The following CCZ1B variants were observed in gnomAD, a reference collection of about 807,000 sequenced individuals.
CCZ1B encodes the protein vacuolar fusion protein CCZ1 homolog B.
Under a neutral mutation model 58.8 loss-of-function variants are expected in CCZ1B, and 25 were observed. That is an observed-to-expected ratio of 0.43 (90% CI 0.31 to 0.59). The LOEUF is 0.59. CCZ1B is among the 20% of genes least tolerant of loss of function. The pLI is 0.12. For missense variants in CCZ1B, 180 were observed against 501.5 expected (o/e 0.36, Z 6.12); for synonymous variants, 66 against 173.2 (o/e 0.38, Z 4.86).
intron 10 of CCZ1B, among the ~76,000 whole-genome samples, chr7:6,809,462 C>T (rs1401344743): frequency 2.1e-5 from 3 of 146,094 alleles, no homozygotes; most frequent in East Asian, 1.9e-4. Flanking sequence ...GAAATGCAGC[C>T]GACAGCATAT....
chr7:6,819,139 A>AAAAAG (rs1195346072), intron 7 of CCZ1B, among the ~76,000 whole-genome samples: 3 of 147,578 alleles, frequency 2.0e-5, no homozygotes, highest in African/African-American at 7.7e-5. Context: ...AAAAAAAAAA[A>AAAAAG]AAAAAAAGGT....
chr7:6,823,275 T>C lies in CCZ1B; in HGVS notation c.438+38A>G. 2 of 1,604,102 alleles carry C rather than the reference T, an allele frequency of 1.2e-6. 1 individual carries two copies. Among genetic ancestry groups the C allele is most frequent in the South Asian group, 2.2e-5 (2 of 90,302 alleles). ...CCTGGAGCCTAGAGATAGGGGTAAG[T>C]GGTTGGACTCTGAGTTGAGAAAGAA... On this transcript the variant is annotated intron_variant, in intron 5 of 14. Transcript: ENST00000316731.
In CCZ1B at chr7:6,824,096, T is replaced by A; in HGVS notation, c.383A>T (p.Glu128Val). ...CAAACAATGACACATTACCAACAACTCCTCCTCTTGATATTCAATAACTGG... is the reference window on the plus strand; with the variant it reads ...CAAACAATGACACATTACCAACAACACCTCCTCTTGATATTCAATAACTGG... ...GKPVIEYQEEELLDKVYSSVL... is the reference protein window; with the variant it reads ...GKPVIEYQEEVLLDKVYSSVL... The change falls in exon 4 of 15, where the codon GAG (glutamate) becomes GTG (valine). Residue 128 changes from glutamate (E) to valine (V), a missense_variant. Physicochemically the swap from Glu to Val is moderately radical, Grantham distance 121. Coordinates refer to ENST00000316731, the MANE Select transcript of CCZ1B (RefSeq NM_198097.5). The A allele has an allele frequency of 1.4e-6, 2 of 1,455,004 alleles. No individual in the cohort carries two copies. The highest frequency in any genetic ancestry group is 1.9e-6 in the Non-Finnish European group (2 of 1,079,400). 90.1% of individuals were successfully genotyped at this position (1,455,004 alleles called of 1,614,324 possible).
At chr7:6,814,428 A>T (rs58934614) in intron 8 of CCZ1B, among the ~76,000 whole-genome samples, 2,251 of 139,666 alleles carry the variant, frequency 0.016, 197 homozygotes, top group African/African-American at 0.043. Flanking sequence ...CCCAGGTACT[A>T]GGGAGGCCGA....
At chr7:6,816,302 A>G (rs1782998625) in intron 7 of CCZ1B, among the ~76,000 whole-genome samples, 2 of 149,362 alleles carry the variant, frequency 1.3e-5, no homozygotes, top group South Asian at 4.2e-4. Context: ...CAACATGGCA[A>G]AACACCGTCT....
At chr7:6,815,382 C>T (rs1222293842) in intron 7 of CCZ1B, among the ~76,000 whole-genome samples, 8 of 149,396 alleles carry the variant, frequency 5.4e-5, no homozygotes, top group Non-Finnish European at 1.0e-4. Flanking sequence ...AGGCTGGTTT[C>T]GAACTCCTGG....
intron 7 of CCZ1B, among the ~76,000 whole-genome samples, chr7:6,818,695 C>CAAGAAAGAAAGACAAGA (rs1562431484): frequency 3.4e-5 from 2 of 59,466 alleles, no homozygotes; most frequent in Admixed American, 1.7e-4. Flanking sequence ...GAAAGAAAGA[C>CAAGAAAGAAAGACAAGA]AAGAAAGAAA....
chr7:6,820,615 T>C (rs1365689303), intron 6 of CCZ1B, among the ~76,000 whole-genome samples: 1 of 148,732 alleles, frequency 6.7e-6, no homozygotes, highest in Non-Finnish European at 1.5e-5. Context: ...TGTGCCCAGC[T>C]AGCACTTTCA....
chr7:6,811,738 C>G (rs1397832370), intron 10 of CCZ1B: 3 of 579,454 alleles, frequency 5.2e-6, no homozygotes, highest in African/African-American at 4.0e-5. Flanking sequence ...CAATCTTAAA[C>G]AGTTCCTCTT....
Position 6,823,317 on chromosome 7 carries a change from T to C in CCZ1B, c.434A>G (p.Tyr145Cys), listed in dbSNP as rs1783141561. Residue 145 changes from tyrosine (Y) to cysteine (C), a missense_variant, in exon 5 of 15, where the codon TAC (tyrosine) becomes TGC (cysteine). Transcript: ENST00000316731. ...SSVLRQCYSM[Y>C]KLFNGTFLKA... ...GAGAAAGAACGCCACGCTTACCTTG[T>C]ACATGCTGTAGCACTGCCGCAGCAC... is the stretch of plus-strand genomic sequence containing the variant. 6.2e-7 allele frequency: 1 copy of C among 1,606,904 alleles called. No individual in the cohort carries two copies.
chr7:6,812,026 C>T lies in CCZ1B; in HGVS notation c.880G>A (p.Ala294Thr). ...TGPLNLNDPD[A>T]KCRFPKIFVN... is the part of the protein sequence containing the mutation. ...AAAATTTTGGGGAATCTGCATTTTG[C>T]ATCTGGATCATTGAGGTTCAAGGGT... The change falls in exon 10 of 15, where the codon GCA becomes ACA. Residue 294 changes from alanine (A) to threonine (T), a missense_variant. By Grantham distance (58) the Ala-to-Thr change is moderately conservative. Coordinates refer to ENST00000316731, the MANE Select transcript of CCZ1B (RefSeq NM_198097.5). 6.4e-7 allele frequency: 1 copy of T among 1,565,038 alleles called. No homozygotes were observed. The highest frequency in any genetic ancestry group is 8.8e-7 in the Non-Finnish European group (1 of 1,142,336).
chr7:6,800,398 C>CAA lies in CCZ1B; in HGVS notation c.1393+549_1393+550insTT, dbSNP rs1454460696. On this transcript the variant is annotated intron_variant, in intron 14 of 14. Coordinates refer to ENST00000316731, the MANE Select transcript of CCZ1B (RefSeq NM_198097.5). ...ATTTTGGGCTGGGCAAGGTGGCTCA[C>CAA]GCCTGTAATCCCAGCTCTTTGGGAG... 1.8e-3 allele frequency among the ~76,000 whole-genome samples: 261 copies of CAA among 141,940 alleles called. 3 individuals carry two copies. Among genetic ancestry groups the CAA allele is most frequent in the Admixed American group, 3.4e-3 (48 of 13,974 alleles). The allele number at this position is 141,940 out of a possible 152,430, so 93.1% of individuals were successfully genotyped here.
At chr7:6,822,753 G>T (rs1783132009) in intron 5 of CCZ1B, among the ~76,000 whole-genome samples, 1 of 134,508 alleles carries the variant, frequency 7.4e-6, no homozygotes, top group African/African-American at 2.9e-5. Context: ...CCAGGGTAGA[G>T]TGCAGTGGTG....
At chr7:6,817,650 A>C (rs148341937) in intron 7 of CCZ1B, among the ~76,000 whole-genome samples, 1 of 149,496 alleles carries the variant, frequency 6.7e-6, no homozygotes, top group Non-Finnish European at 1.5e-5. Flanking sequence ...CATTGTGTAC[A>C]TATCACAGAA....
At chr7:6,800,225 G>T (rs1485937320) in intron 14 of CCZ1B, among the ~76,000 whole-genome samples, 1 of 134,620 alleles carries the variant, frequency 7.4e-6, no homozygotes, top group East Asian at 2.7e-4. Flanking sequence ...CGTGCAGTGG[G>T]CAAGGCTGGC....
chr7:6,818,511 T>C (rs1262291398), intron 7 of CCZ1B, among the ~76,000 whole-genome samples: 2 of 148,306 alleles, frequency 1.3e-5, no homozygotes, highest in Non-Finnish European at 3.0e-5. Flanking sequence ...ATCGCGCCAC[T>C]GTACTCCAGC....
Position 6,824,134 on chromosome 7 carries a change from ACT to A in CCZ1B, c.343_344del (p.Ser115Ter). On this transcript the variant is annotated frameshift_variant, in exon 4 of 15. Coordinates refer to ENST00000316731, the MANE Select transcript of CCZ1B (RefSeq NM_198097.5). LOFTEE classifies it high-confidence loss of function. Reference sequence around the variant, plus strand: ...ATTCAATAACTGGTTTTCCATCTTTACTCTGTTTTTCAATTATAGGATTCCGA... The same window carrying A: ...ATTCAATAACTGGTTTTCCATCTTTACTGTTTTTCAATTATAGGATTCCGA... Reference protein sequence around the residue: ...VVRNPIIEKQSKDGKPVIEYQ... With the variant: ...VVRNPIIEKQXKDGKPVIEYQ... 2 of 1,492,160 alleles carry A rather than the reference ACT, an allele frequency of 1.3e-6. No individual in the cohort carries two copies. Among genetic ancestry groups the A allele is most frequent in the Non-Finnish European group, 1.8e-6 (2 of 1,109,142 alleles). 92.4% of individuals were successfully genotyped at this position (1,492,160 alleles called of 1,614,324 possible).
At chr7:6,812,094 C>CTCCTTCACCTCGTTG in intron 9 of CCZ1B, 31 bp from the exon 10 acceptor site, 2 of 917,372 alleles carry the variant, frequency 2.2e-6, no homozygotes, top group Non-Finnish European at 3.6e-6. Flanking sequence ...TGACTTGATT[C>CTCCTTCACCTCGTTG]AACGAGGTGA....
chr7:6,817,621 C>G (rs527730345), intron 7 of CCZ1B, among the ~76,000 whole-genome samples: 6 of 149,308 alleles, frequency 4.0e-5, no homozygotes, highest in East Asian at 2.0e-4. Context: ...CATTTCACAG[C>G]AGAATTTCAC....
Sources: allele counts gnomAD v4.1 joint callset (sites outside exome capture counted in the v4.1 genomes callset), GRCh38; gene constraint gnomAD v4.1.1; transcripts MANE v1.5; gene names NCBI Gene and HGNC (gene_info 2026-07-23, HGNC 2026-07-21).